METAP2: variants seen among roughly 807,000 people sequenced by gnomAD.
METAP2 encodes the protein methionine aminopeptidase 2.
Under a neutral mutation model 59.4 loss-of-function variants are expected in METAP2, and 25 were observed. The ratio of observed to expected loss-of-function variants is 0.42; its 90% CI spans 0.31 to 0.59. The LOEUF is 0.59. METAP2 is among the 20% of genes least tolerant of loss of function. The pLI is 0.16. For missense variants in METAP2, 366 were observed against 581.2 expected (o/e 0.63, Z 3.81); for synonymous variants, 214 against 194.1 (o/e 1.10, Z -0.85).
At chr12:95,512,566 G>A (rs924548953) in intron 9 of METAP2, among the ~76,000 whole-genome samples, 7 of 152,042 alleles carry the variant, frequency 4.6e-5, no homozygotes, top group Admixed American at 1.3e-4. Flanking sequence ...ACAAAAATTA[G>A]CCAGGCATGG....
intron 2 of METAP2, among the ~76,000 whole-genome samples, chr12:95,476,578 T>G (rs1392415953): frequency 2.0e-5 from 3 of 150,406 alleles, no homozygotes; most frequent in Non-Finnish European, 4.4e-5. Context: ...CAAAATTTAT[T>G]TACTCGTATA....
intron 8 of METAP2, among the ~76,000 whole-genome samples, chr12:95,508,685 A>G (rs2076379809): frequency 6.6e-6 from 1 of 151,856 alleles, no homozygotes; most frequent in East Asian, 1.9e-4. Context: ...TAATTCTACA[A>G]CTTGTTTGGT....
chr12:95,491,601 C>A (rs908489694), intron 4 of METAP2, among the ~76,000 whole-genome samples: 1 of 149,284 alleles, frequency 6.7e-6, no homozygotes, highest in African/African-American at 2.5e-5. Flanking sequence ...ACCTCTGCCT[C>A]CCAGGCTCAA....
intron 7 of METAP2, among the ~76,000 whole-genome samples, chr12:95,500,979 A>G (rs1022897235): frequency 6.7e-6 from 1 of 150,008 alleles, no homozygotes; most frequent in Non-Finnish European, 1.5e-5. Flanking sequence ...AGTGGAAGCC[A>G]TCAGGTTCAA....
At chr12:95,507,825 G>A (rs2076372974) in intron 8 of METAP2, among the ~76,000 whole-genome samples, 1 of 150,432 alleles carries the variant, frequency 6.6e-6, no homozygotes, top group African/African-American at 2.5e-5. Context: ...TGCCCAGGCT[G>A]GAGTACAATG....
At chr12:95,511,252 T>C (rs1024737714) in intron 8 of METAP2, among the ~76,000 whole-genome samples, 1 of 152,138 alleles carries the variant, frequency 6.6e-6, no homozygotes, top group African/African-American at 2.4e-5. Context: ...AATACAAATA[T>C]GTATTTTTTA....
chr12:95,474,814 T>A (rs1254305494), intron 1 of METAP2, among the ~76,000 whole-genome samples: 3 of 152,144 alleles, frequency 2.0e-5, no homozygotes, highest in Non-Finnish European at 4.4e-5. Context: ...ACTATCCCGT[T>A]TCACGTTGGG....
chr12:95,493,495 A>C (rs997806184), intron 4 of METAP2, among the ~76,000 whole-genome samples: 1 of 152,328 alleles, frequency 6.6e-6, no homozygotes, highest in East Asian at 1.9e-4. Context: ...ATTCGTTAGC[A>C]CTGGCAGTTT....
intron 6 of METAP2, 135 bp downstream of exon 6, chr12:95,495,273 A>G: frequency 1.4e-6 from 1 of 712,186 alleles, no homozygotes; most frequent in Non-Finnish European, 2.2e-6. Flanking sequence ...AGGTGTGTTG[A>G]GGCAGATTTT....
At chr12:95,486,948 A>C (rs1229202767) in intron 4 of METAP2, among the ~76,000 whole-genome samples, 2 of 152,256 alleles carry the variant, frequency 1.3e-5, no homozygotes, top group Non-Finnish European at 2.9e-5. Context: ...TATTGAGAGC[A>C]TGGAAGCTGG....
chr12:95,484,177 T>C (rs2076179367), intron 3 of METAP2, among the ~76,000 whole-genome samples: 1 of 152,106 alleles, frequency 6.6e-6, no homozygotes, highest in Admixed American at 6.6e-5. Context: ...TTTTTCAGGC[T>C]AAAATTTTAT....
At position 95,495,068 on chromosome 12, in the gene METAP2, C is replaced by G; in HGVS notation, c.702C>G (p.Pro234=). ...SLNNCAAHYT[P]NAGDTTVLQY... ...ATAATTGTGCTGCCCATTATACTCC[C>G]AATGCCGGTGACACAACAGTATTAC... The change falls in exon 6 of 11, where the codon CCC becomes CCG. Residue 234 remains proline, a synonymous_variant. Transcript: ENST00000323666. 6.2e-7 allele frequency: 1 copy of G among 1,613,514 alleles called. No individual in the cohort carries two copies. The highest frequency in any genetic ancestry group is 8.5e-7 in the Non-Finnish European group (1 of 1,179,510).
rs372859344 is a variant in METAP2 at position 95,492,981 on chromosome 12, CAG to C, written c.429-1074_429-1073del. On this transcript the variant is annotated intron_variant, in intron 4 of 10. Transcript: ENST00000323666. ...TTGCAATAAAATTTTATTTATAAAA[CAG>C]GGGAGGCAAATAGCAATTCCTTGAA... 8.5e-4 allele frequency among the ~76,000 whole-genome samples: 129 copies of C among 152,250 alleles called. 1 individual carries two copies. In the East Asian group the frequency reaches 0.011, roughly 13 times the overall value.
At chr12:95,513,284 A>G (rs1193076434) in intron 10 of METAP2, among the ~76,000 whole-genome samples, 1 of 152,218 alleles carries the variant, frequency 6.6e-6, no homozygotes, top group Non-Finnish European at 1.5e-5. Context: ...ACATTTGAAG[A>G]TGATTGAAAT....
chr12:95,496,567 A>G (rs1275027897), intron 7 of METAP2, among the ~76,000 whole-genome samples: 1 of 152,114 alleles, frequency 6.6e-6, no homozygotes, highest in Admixed American at 6.5e-5. Context: ...CATAGTTAAC[A>G]TTAGGGTTCA....
chr12:95,506,887 T>TCA (rs1377788851), intron 8 of METAP2, among the ~76,000 whole-genome samples: 1 of 151,990 alleles, frequency 6.6e-6, no homozygotes, highest in Non-Finnish European at 1.5e-5. Context: ...CAGTCTTGGA[T>TCA]CACTATAAGC....
At chr12:95,508,977 T>C (rs926043665) in intron 8 of METAP2, among the ~76,000 whole-genome samples, 1 of 152,144 alleles carries the variant, frequency 6.6e-6, no homozygotes, top group African/African-American at 2.4e-5. Flanking sequence ...AGAAATGGAT[T>C]CCGGGTTGAA....
At chr12:95,486,677 A>C (rs2076199502) in intron 4 of METAP2, among the ~76,000 whole-genome samples, 1 of 151,924 alleles carries the variant, frequency 6.6e-6, no homozygotes, top group East Asian at 1.9e-4. Context: ...TTGTATTTTT[A>C]ATAGAGACGG....
At chr12:95,495,924 A>G in intron 6 of METAP2, 80 bp from the exon 7 acceptor site, 1 of 826,252 alleles carries the variant, frequency 1.2e-6, no homozygotes, top group East Asian at 2.5e-5. Context: ...TAAACTAGCA[A>G]GATTAATAGA....
Sources: gnomAD v4.1 joint callset for allele counts (sites outside exome capture counted in the v4.1 genomes callset) on GRCh38, gnomAD v4.1.1 for gene constraint, MANE v1.5 for transcripts, NCBI Gene and HGNC (gene_info 2026-07-23, HGNC 2026-07-21) for gene names.